The following LY75 variants were observed in gnomAD, a reference collection of about 807,000 sequenced individuals.
LY75 encodes lymphocyte antigen 75.
Under a neutral mutation model 231.7 loss-of-function variants are expected in LY75, and 185 were observed. The ratio of observed to expected loss-of-function variants is 0.80; its 90% confidence interval spans 0.71 to 0.90. The LOEUF (loss-of-function observed/expected upper bound fraction) is 0.90, where lower values mean the gene tolerates loss of function less well. Among genes scored for constraint, LY75 ranks in the 40% least tolerant of loss-of-function variants. LY75 has a pLI of 0.00. For missense variants in LY75, 1,947 were observed against 2,050.2 expected (o/e 0.95, Z 0.97); for synonymous variants, 668 against 689.0 (o/e 0.97, Z 0.48).
chr2:159,826,503 A>C (rs1476479422), intron 28 of LY75, among the ~76,000 whole-genome samples: 2 of 151,648 alleles, frequency 1.3e-5, no homozygotes, highest in African/African-American at 2.4e-5. Context: ...GATAGGTAGA[A>C]TCAATATCGT....
intron 4 of LY75, among the ~76,000 whole-genome samples, chr2:159,888,910 C>T (rs1232575370): frequency 6.6e-6 from 1 of 152,116 alleles, no homozygotes; most frequent in Non-Finnish European, 1.5e-5. Context: ...CAATAACGTC[C>T]ACCTCATAAG....
intron 15 of LY75, among the ~76,000 whole-genome samples, chr2:159,859,392 C>T (rs1684633228): frequency 1.3e-5 from 2 of 152,216 alleles, no homozygotes; most frequent in South Asian, 2.1e-4. Context: ...TCTTGGACTA[C>T]AAATCAAAGA....
chr2:159,881,619 G>A (rs537498991), intron 7 of LY75, among the ~76,000 whole-genome samples: 1 of 152,238 alleles, frequency 6.6e-6, no homozygotes, highest in Admixed American at 6.5e-5. Context: ...CACCAGGCTG[G>A]CACTGAGTAG....
At chr2:159,884,192 T>A (rs981169662) in intron 6 of LY75, among the ~76,000 whole-genome samples, 1 of 152,200 alleles carries the variant, frequency 6.6e-6, no homozygotes, top group Admixed American at 6.5e-5. Context: ...TCGGCCATGA[T>A]TGTGAGACCT....
At chr2:159,874,509 TAA>T in intron 12 of LY75, among the ~76,000 whole-genome samples, 1 of 98,166 alleles carries the variant, frequency 1.0e-5, no homozygotes, top group African/African-American at 3.3e-5. Context: ...TAAATCTATA[TAA>T]ATATGTACAT....
chr2:159,877,357 C>G (rs1250523992), intron 11 of LY75, among the ~76,000 whole-genome samples: 1 of 152,204 alleles, frequency 6.6e-6, no homozygotes, highest in Non-Finnish European at 1.5e-5. Context: ...ATGCTTTATA[C>G]TGCTGTCTTA....
intron 12 of LY75, among the ~76,000 whole-genome samples, chr2:159,873,239 T>C (rs1473772743): frequency 6.6e-6 from 1 of 152,164 alleles, no homozygotes; most frequent in Non-Finnish European, 1.5e-5. Context: ...ATTATATTTG[T>C]CCCAATTCTT....
intron 21 of LY75, 69 bp from the exon 22 acceptor site, chr2:159,850,536 C>G: frequency 6.3e-7 from 1 of 1,589,952 alleles, no homozygotes; most frequent in Non-Finnish European, 8.6e-7. Context: ...AAGTAAAATG[C>G]TTCATCTTTT....
At chr2:159,856,722 AG>A (rs1193078225) in intron 16 of LY75, among the ~76,000 whole-genome samples, 2 of 152,156 alleles carry the variant, frequency 1.3e-5, no homozygotes, top group Admixed American at 1.3e-4. Context: ...GGAATTATTT[AG>A]ATTTGTTCGA....
At chr2:159,863,506 G>A (rs1462952862) in intron 14 of LY75, among the ~76,000 whole-genome samples, 2 of 152,064 alleles carry the variant, frequency 1.3e-5, no homozygotes, top group Admixed American at 6.6e-5. Context: ...GAGGTGGGAG[G>A]TGATAACTTA....
chr2:159,849,438 C>T (rs1016557838), intron 23 of LY75, among the ~76,000 whole-genome samples: 3 of 152,102 alleles, frequency 2.0e-5, no homozygotes, highest in African/African-American at 7.2e-5. Flanking sequence ...CAATTTTGTA[C>T]TTTTTGCCTC....
At chr2:159,859,969 G>T (rs60661880) in intron 15 of LY75, among the ~76,000 whole-genome samples, 2 of 151,976 alleles carry the variant, frequency 1.3e-5, no homozygotes, top group Non-Finnish European at 2.9e-5. Context: ...CTTGTATTTC[G>T]CATGTCATAG....
intron 23 of LY75, among the ~76,000 whole-genome samples, chr2:159,844,874 A>G (rs1219425838): frequency 6.6e-6 from 1 of 151,076 alleles, no homozygotes; most frequent in Non-Finnish European, 1.5e-5. Context: ...TGTTGGACCC[A>G]GGTAGTGAGC....
intron 33 of LY75, chr2:159,808,202 G>A (rs1682845269): frequency 1.2e-6 from 1 of 863,410 alleles, no homozygotes; most frequent in Admixed American, 6.2e-5. Flanking sequence ...CCAGAAATAA[G>A]CCTCTAGAAA....
intron 28 of LY75, among the ~76,000 whole-genome samples, chr2:159,825,439 C>G (rs1013318370): frequency 6.6e-6 from 1 of 152,186 alleles, no homozygotes; most frequent in Non-Finnish European, 1.5e-5. Context: ...AAGCCAATAA[C>G]AAGTTCTGAA....
Position 159,878,324 on chromosome 2 carries a change from C to T in LY75, c.1774G>A (p.Ala592Thr), listed in dbSNP as rs756818676. The change falls in exon 11 of 35, where the codon GCT becomes ACT. Residue 592 changes from alanine (A) to threonine (T), a missense_variant and splice_region_variant. Coordinates refer to ENST00000263636, the MANE Select transcript of LY75 (RefSeq NM_002349.4). ...CTACTTCAAAGATTAAGACACTCAC[C>T]TGGCTCAAGAAAATTCCAGTTGGAA... ...TFSNWNFLEP[A>T]SPGGCVAMST... 3.7e-5 allele frequency: 60 copies of T among 1,613,610 alleles called. No homozygotes were observed. The highest frequency in any genetic ancestry group is 1.9e-4 in the South Asian group (17 of 91,002).
chr2:159,851,530 C>CT (rs1397565163), intron 21 of LY75, among the ~76,000 whole-genome samples: 1 of 152,158 alleles, frequency 6.6e-6, no homozygotes, highest in East Asian at 1.9e-4. Flanking sequence ...ATTTTGAAGA[C>CT]TTCATGGTGT....
chr2:159,878,802 G>C, intron 9 of LY75, 81 bp from the exon 10 acceptor site: 1 of 1,465,154 alleles, frequency 6.8e-7, no homozygotes. Flanking sequence ...CTGCTACATT[G>C]ATAACGTCTT....
chr2:159,857,694 A>G (rs979963682), intron 16 of LY75, among the ~76,000 whole-genome samples: 4 of 152,246 alleles, frequency 2.6e-5, no homozygotes, highest in Middle Eastern at 3.2e-3. Flanking sequence ...GTGAGCCAAG[A>G]TTGTGCTACT....
Sources: allele counts gnomAD v4.1 joint callset (sites outside exome capture counted in the v4.1 genomes callset), GRCh38; gene constraint gnomAD v4.1.1; transcripts MANE v1.5; gene names NCBI Gene and HGNC (gene_info 2026-07-23, HGNC 2026-07-21).